COL4A2: variants seen among roughly 807,000 people sequenced by gnomAD.
COL4A2 encodes collagen type IV alpha 2 chain, also known as collagen alpha-2(IV) chain.
COL4A2 carries 99 observed loss-of-function variants against 200.2 expected under a neutral mutation model. The observed-to-expected ratio is 0.49, with a 90% CI of 0.42 to 0.58. The LOEUF is 0.58. Ranked by LOEUF, COL4A2 falls within the 20% of genes least tolerant of loss-of-function variation. COL4A2 has a pLI of 0.00. For synonymous variants in COL4A2, 897 were observed against 900.6 expected (o/e 1.00, Z 0.07); for missense variants, 1,950 against 2,314.1 (o/e 0.84, Z 3.23).
chr13:110,307,563 G>C lies in COL4A2; in HGVS notation c.-45+35G>C. ...ACCCCCGAGCGGCGCCCAGACCCTG[G>C]CCCGAGAGCACCGACTTGGAGCGCC... On this transcript the variant is annotated intron_variant, in intron 1 of 47. Transcript: ENST00000360467. This position sits in a 1 kb window ranked among gnomAD's most constrained non-coding sequence, Gnocchi z 5.0. 1 of 345,532 alleles carries C rather than the reference G, an allele frequency of 2.9e-6. No homozygotes were observed. The highest frequency in any genetic ancestry group is 5.2e-6 in the Non-Finnish European group (1 of 191,828). 21.4% of individuals were successfully genotyped at this position (345,532 alleles called of 1,614,324 possible).
At chr13:110,446,429 A>G (rs1881326982) in intron 17 of COL4A2, among the ~76,000 whole-genome samples, 2 of 152,132 alleles carry the variant, frequency 1.3e-5, no homozygotes, top group Non-Finnish European at 2.9e-5. Flanking sequence ...ATGGCGCTCC[A>G]CGGGGGTCCT....
At position 110,493,246 on chromosome 13, in the gene COL4A2, G is replaced by A. The variant is rs1271683445; in HGVS notation, c.3598G>A (p.Gly1200Ser). The change falls in exon 39 of 48, where the codon GGC becomes AGC. Residue 1200 changes from glycine (G) to serine (S), a missense_variant. By Grantham distance (56) the Gly-to-Ser change is moderately conservative. This residue lies in a region of COL4A2 where 1,385 missense variants were observed against 1,720.5 expected (regional missense o/e 0.80). Transcript: ENST00000360467. ...PGLRGIRGLH[G>S]LPGTKGFPGS... ...ACTCCGTGGGATCCGCGGCTTACAC[G>A]GCTTGCCAGGCACCAAGGGCTTTCC... is the stretch of plus-strand genomic sequence containing the variant. 8 of 1,614,008 alleles carry A rather than the reference G, an allele frequency of 5.0e-6. No individual in the cohort carries two copies. The highest frequency in any genetic ancestry group is 2.2e-5 in the East Asian group (1 of 44,894).
intron 3 of COL4A2, among the ~76,000 whole-genome samples, chr13:110,356,525 T>TCC (rs1435700010): frequency 4.6e-5 from 7 of 152,118 alleles, no homozygotes; most frequent in Non-Finnish European, 7.4e-5. Flanking sequence ...CGACACCTCC[T>TCC]CCTCCCCTCC....
intron 18 of COL4A2, 33 bp from the exon 19 acceptor site, chr13:110,449,646 T>C: frequency 6.6e-7 from 1 of 1,523,668 alleles, no homozygotes; most frequent in East Asian, 2.5e-5. Flanking sequence ...GACCACGGTC[T>C]TGTTCTTACT....
rs9301453 is a variant in COL4A2, at chr13:110,407,503, G to A, written c.181-17231G>A. ...AGGAGGCCTGGGCATCACATCCACC[G>A]ACCCGAGTTTCACTCTGCAGGGAGC... is the stretch of plus-strand genomic sequence containing the variant. On this transcript the variant is annotated intron_variant, in intron 4 of 47. Transcript: ENST00000360467. Among the ~76,000 whole-genome samples the A allele has an allele frequency of 7.2e-3, 1,098 of 152,348 alleles. 11 individuals carry two copies. The highest frequency in any genetic ancestry group is 0.023 in the African/African-American group (969 of 41,582).
At chr13:110,340,811 G>A (rs1177364371) in intron 3 of COL4A2, 1 of 152,222 alleles carries the variant, frequency 6.6e-6, no homozygotes, top group Admixed American at 6.5e-5. Context: ...GGCTCTGCAT[G>A]TGTGAGTGTG....
chr13:110,313,250 C>T (rs1885034940), intron 3 of COL4A2, among the ~76,000 whole-genome samples: 3 of 152,100 alleles, frequency 2.0e-5, no homozygotes, highest in Admixed American at 6.5e-5. Flanking sequence ...TTAATGAGAC[C>T]CTGTCAGGAC....
At chr13:110,407,061 G>A (rs1879600661) in intron 4 of COL4A2, among the ~76,000 whole-genome samples, 1 of 152,330 alleles carries the variant, frequency 6.6e-6, no homozygotes, top group Non-Finnish European at 1.5e-5. Context: ...AGGAGGCAAT[G>A]CTTCTCCATG....
At chr13:110,399,204 C>T (rs1879286727) in intron 4 of COL4A2, among the ~76,000 whole-genome samples, 2 of 152,180 alleles carry the variant, frequency 1.3e-5, no homozygotes, top group Non-Finnish European at 2.9e-5. Flanking sequence ...CTCACACATC[C>T]GCACAGGAGC....
At chr13:110,309,847 C>T (rs1260041430) in intron 3 of COL4A2, among the ~76,000 whole-genome samples, 9 of 152,082 alleles carry the variant, frequency 5.9e-5, no homozygotes, top group South Asian at 2.1e-4. Flanking sequence ...AAAAATCAGC[C>T]GGGCTTGGTG....
intron 4 of COL4A2, among the ~76,000 whole-genome samples, chr13:110,420,319 A>G (rs1009695711): frequency 1.3e-5 from 2 of 152,190 alleles, no homozygotes; most frequent in African/African-American, 4.8e-5. Flanking sequence ...AAAACTTGTA[A>G]CAACGCATCA....
At chr13:110,498,081 A>G (rs1271070821) in intron 40 of COL4A2, among the ~76,000 whole-genome samples, 2 of 152,224 alleles carry the variant, frequency 1.3e-5, no homozygotes, top group Non-Finnish European at 2.9e-5. Flanking sequence ...CGTGACCTTT[A>G]AATCAGACAC....
chr13:110,378,439 AG>A (rs375231797), intron 4 of COL4A2, among the ~76,000 whole-genome samples: 6 of 152,208 alleles, frequency 3.9e-5, no homozygotes, highest in African/African-American at 1.4e-4. Flanking sequence ...CATGGTCCAG[AG>A]GTGCGCCTGC....
intron 3 of COL4A2, among the ~76,000 whole-genome samples, chr13:110,328,820 C>G (rs947652707): frequency 6.6e-6 from 1 of 152,194 alleles, no homozygotes; most frequent in African/African-American, 2.4e-5. Flanking sequence ...GAGCCCTAGT[C>G]CACTGCAGTC....
At chr13:110,366,944 A>C (rs1220410673) in intron 4 of COL4A2, among the ~76,000 whole-genome samples, 2 of 152,212 alleles carry the variant, frequency 1.3e-5, no homozygotes, top group African/African-American at 2.4e-5. Flanking sequence ...TGAAGCGCTC[A>C]AGGTGTCAGA....
chr13:110,400,073 C>G (rs1224353093), intron 4 of COL4A2, among the ~76,000 whole-genome samples: 1 of 152,142 alleles, frequency 6.6e-6, no homozygotes, highest in African/African-American at 2.4e-5. Flanking sequence ...TGAACTTTAA[C>G]AAAGTTTTTA....
rs566636773 is a variant in COL4A2 at position 110,474,687 on chromosome 13, CCA to C, written c.2425+1543_2425+1544del. On this transcript the variant is annotated intron_variant, in intron 29 of 47. Transcript: ENST00000360467. ...ATGATCACACTCCTTACACACGTAC[CCA>C]CACACGTGCCTGTGTACACTCACAT... Among the ~76,000 whole-genome samples the C allele has an allele frequency of 4.6e-4, 64 of 138,396 alleles. 8 individuals carry two copies. In the South Asian group the frequency reaches 0.015, roughly 32 times the overall value. The allele number at this position is 138,396 out of a possible 152,430, so 90.8% of individuals were successfully genotyped here.
Position 110,461,919 on chromosome 13 carries a change from T to C in COL4A2, c.1597-195T>C. 9 of 696,130 alleles carry C rather than the reference T, an allele frequency of 1.3e-5. No individual in the cohort carries two copies. In the South Asian group the frequency reaches 1.5e-4, roughly 12 times the overall value. 43.1% of individuals were successfully genotyped at this position (696,130 alleles called of 1,614,324 possible). A position where few individuals can be genotyped will look rare whatever the true frequency, so the allele number is the denominator to read the frequency against. On this transcript the variant is annotated intron_variant, in intron 22 of 47. Transcript: ENST00000360467. ...CGCAGTTCCAGTGCTCCACAGCCAC[T>C]GTGGCCAGTGGCCCCACACTGGACA...
In COL4A2 at chr13:110,307,950, A is replaced by T; in HGVS notation, c.44+3A>T. 6.2e-7 allele frequency: 1 copy of T among 1,612,778 alleles called. No homozygotes were observed. The highest frequency in any genetic ancestry group is 8.5e-7 in the Non-Finnish European group (1 of 1,179,688). On this transcript the variant is annotated splice_donor_region_variant and intron_variant, in intron 2 of 47. Coordinates refer to ENST00000360467, the MANE Select transcript of COL4A2 (RefSeq NM_001846.4). This position sits in a 1 kb window ranked among gnomAD's most constrained non-coding sequence, Gnocchi z 5.0. ...GTGGCCGGCCCTGCCCTACGGCGGT[A>T]AGCGACTTTCTGCCTGGTCCCCGTG...
Sources: gnomAD v4.1 joint callset for allele counts (sites outside exome capture counted in the v4.1 genomes callset) on GRCh38, gnomAD v4.1.1 for gene constraint, gnomAD v4.1.1 regional missense constraint, Gnocchi (gnomAD v3.1) non-coding constraint, MANE v1.5 for transcripts, NCBI Gene and HGNC (gene_info 2026-07-23, HGNC 2026-07-21) for gene names.